The following CHD9 variants were observed in gnomAD, a reference collection of about 807,000 sequenced individuals.
CHD9 encodes ATP-dependent chromatin remodeler CHD9.
Under a neutral mutation model 316.1 loss-of-function variants are expected in CHD9, and 77 were observed. The observed-to-expected ratio is 0.24, with a 90% CI of 0.20 to 0.29. The LOEUF (loss-of-function observed/expected upper bound fraction) is 0.29. Among genes scored for constraint, CHD9 ranks in the 10% least tolerant of loss-of-function variants. The probability of loss-of-function intolerance (pLI) is 1.00; values close to 1 mark genes in which losing one functional copy is unlikely to be tolerated. For missense variants in CHD9, 2,763 were observed against 3,438.1 expected (o/e 0.80, Z 4.91); for synonymous variants, 1,129 against 1,158.3 (o/e 0.97, Z 0.51).
chr16:53,238,274 G>A (rs1373830829), intron 11 of CHD9, 69 bp from the exon 12 acceptor site: 1 of 1,268,772 alleles, frequency 7.9e-7, no homozygotes. Context: ...GATTATTTTT[G>A]TATATTTATC....
intron 16 of CHD9, chr16:53,248,230 G>T: frequency 6.6e-6 from 1 of 151,664 alleles, no homozygotes; most frequent in Non-Finnish European, 1.5e-5. Flanking sequence ...CAGCTATTCG[G>T]GAGGCTGAGG....
At chr16:53,078,332 G>A (rs985315390) in intron 1 of CHD9, among the ~76,000 whole-genome samples, 2 of 152,134 alleles carry the variant, frequency 1.3e-5, no homozygotes, top group Non-Finnish European at 2.9e-5. Flanking sequence ...GTTTTCACAG[G>A]AAGGGGTTAG....
At chr16:53,108,833 C>G (rs2037590552) in intron 1 of CHD9, among the ~76,000 whole-genome samples, 2 of 151,370 alleles carry the variant, frequency 1.3e-5, no homozygotes, top group Admixed American at 1.3e-4. Flanking sequence ...TGAGATCGAT[C>G]CATTGCACCG....
At chr16:53,199,225 C>G (rs1413066719) in intron 2 of CHD9, among the ~76,000 whole-genome samples, 1 of 152,010 alleles carries the variant, frequency 6.6e-6, no homozygotes, top group African/African-American at 2.4e-5. Flanking sequence ...CAAGGAATCT[C>G]CAAAATAGGA....
intron 1 of CHD9, among the ~76,000 whole-genome samples, chr16:53,093,431 C>A (rs1369578511): frequency 6.6e-6 from 1 of 152,220 alleles, no homozygotes; most frequent in Non-Finnish European, 1.5e-5. Flanking sequence ...GGATTATCAT[C>A]ATCATCATTA....
intron 1 of CHD9, among the ~76,000 whole-genome samples, chr16:53,146,415 G>GTATATATATATATATATATATATATA (rs149684203): frequency 1.1e-4 from 7 of 64,442 alleles, no homozygotes; most frequent in African/African-American, 3.4e-4. Flanking sequence ...GTGTGTGTGT[G>GTATATATATATATATATATATATATA]TATGTATATA....
chr16:53,164,802 C>T (rs1459767713), intron 2 of CHD9, among the ~76,000 whole-genome samples: 3 of 151,854 alleles, frequency 2.0e-5, no homozygotes, highest in Non-Finnish European at 4.4e-5. Context: ...TACAGTCATG[C>T]ACCACCATAC....
intron 2 of CHD9, among the ~76,000 whole-genome samples, chr16:53,198,361 C>T (rs1342891969): frequency 6.7e-6 from 1 of 148,282 alleles, no homozygotes; most frequent in Non-Finnish European, 1.5e-5. Flanking sequence ...GCTCTATCGC[C>T]AGGCTAGAGT....
chr16:53,206,604 A>T (rs993529637), intron 2 of CHD9, among the ~76,000 whole-genome samples: 2 of 152,142 alleles, frequency 1.3e-5, no homozygotes, highest in African/African-American at 4.8e-5. Flanking sequence ...CAGTATCCTC[A>T]TATAAAATGG....
chr16:53,238,723 AT>A, intron 12 of CHD9, 137 bp downstream of exon 12: 1 of 911,626 alleles, frequency 1.1e-6, no homozygotes, highest in Non-Finnish European at 1.7e-6. Flanking sequence ...TTTATTCATC[AT>A]TTTTATTTTA....
At chr16:53,302,778 A>G (rs1217633444) in intron 30 of CHD9, among the ~76,000 whole-genome samples, 1 of 152,078 alleles carries the variant, frequency 6.6e-6, no homozygotes, top group African/African-American at 2.4e-5. Flanking sequence ...TATTGCTCAG[A>G]TTGTTCCATA....
At chr16:53,235,609 C>T (rs975636333) in intron 11 of CHD9, among the ~76,000 whole-genome samples, 19 of 152,104 alleles carry the variant, frequency 1.2e-4, no homozygotes, top group East Asian at 5.8e-4. Context: ...CTTATCAACC[C>T]GTACTACTGT....
intron 37 of CHD9, 81 bp from the exon 38 acceptor site, chr16:53,321,445 C>T (rs2057268154): frequency 8.5e-6 from 12 of 1,413,816 alleles, no homozygotes; most frequent in Non-Finnish European, 1.1e-5. Flanking sequence ...AGGAAATAAA[C>T]TCTGTAGAGC....
intron 1 of CHD9, among the ~76,000 whole-genome samples, chr16:53,147,204 T>C (rs1454262692): frequency 2.0e-5 from 3 of 152,010 alleles, no homozygotes; most frequent in Non-Finnish European, 4.4e-5. Context: ...AATAATGACA[T>C]TTTAGAAAGG....
At chr16:53,175,418 T>A (rs2043034923) in intron 2 of CHD9, among the ~76,000 whole-genome samples, 1 of 152,250 alleles carries the variant, frequency 6.6e-6, no homozygotes, top group Admixed American at 6.5e-5. Flanking sequence ...TAGGGATTGC[T>A]GTCCTGGGCT....
intron 1 of CHD9, among the ~76,000 whole-genome samples, chr16:53,135,305 G>A (rs982086198): frequency 1.5e-4 from 23 of 152,132 alleles, no homozygotes; most frequent in Non-Finnish European, 2.5e-4. Context: ...CATTGCAGTC[G>A]TTGAAGATTT....
chr16:53,213,807 C>G (rs1268798345), intron 3 of CHD9, among the ~76,000 whole-genome samples: 2 of 152,126 alleles, frequency 1.3e-5, no homozygotes, highest in Non-Finnish European at 2.9e-5. Context: ...GATTTTCTGG[C>G]TGACATAAGT....
intron 16 of CHD9, among the ~76,000 whole-genome samples, chr16:53,249,182 T>G (rs1258502568): frequency 6.6e-6 from 1 of 152,186 alleles, no homozygotes; most frequent in African/African-American, 2.4e-5. Context: ...GAAGTCTCCA[T>G]TTTGCAGGTA....
At chr16:53,165,219 G>T (rs2042192728) in intron 2 of CHD9, among the ~76,000 whole-genome samples, 1 of 152,140 alleles carries the variant, frequency 6.6e-6, no homozygotes, top group Non-Finnish European at 1.5e-5. Context: ...GACTAAATTG[G>T]AGGGTTATTT....
Sources: gnomAD v4.1 joint callset for allele counts (sites outside exome capture counted in the v4.1 genomes callset) on GRCh38, gnomAD v4.1.1 for gene constraint, MANE v1.5 for transcripts, NCBI Gene and HGNC (gene_info 2026-07-23, HGNC 2026-07-21) for gene names.